Variants in FAM117A observed in about 807,000 individuals in gnomAD.
The protein encoded by FAM117A is family with sequence similarity 117 member A, also known as protein FAM117A.
FAM117A carries 21 observed loss-of-function variants against 44.1 expected under a neutral mutation model. That is an observed-to-expected ratio of 0.48 (90% CI 0.34 to 0.69). The LOEUF (loss-of-function observed/expected upper bound fraction) is 0.69. Ranked by LOEUF, FAM117A falls within the 30% of genes least tolerant of loss-of-function variation. The probability of loss-of-function intolerance (pLI) is 0.01; values close to 1 mark genes in which losing one functional copy is unlikely to be tolerated. For missense variants in FAM117A, 498 were observed against 589.9 expected, an observed-to-expected ratio of 0.84 and a Z score of 1.61; for synonymous variants, 220 against 238.3, an observed-to-expected ratio of 0.92 and a Z score of 0.71.
intron 1 of FAM117A, among the ~76,000 whole-genome samples, chr17:49,738,813 A>G (rs1468793253): frequency 6.6e-6 from 1 of 152,188 alleles, no homozygotes; most frequent in African/African-American, 2.4e-5. Flanking sequence ...TTTTTTAAAA[A>G]TTAGATTTTA....
At chr17:49,764,894 A>C (rs1307157718), upstream of FAM117A, among the ~76,000 whole-genome samples, 3 of 152,234 alleles carry the variant, frequency 2.0e-5, no homozygotes, top group Non-Finnish European at 4.4e-5. Flanking sequence ...CTCTGAAAAG[A>C]AGCAGGGAAT....
chr17:49,746,840 A>G (rs1269054234), intron 1 of FAM117A, among the ~76,000 whole-genome samples: 2 of 152,224 alleles, frequency 1.3e-5, no homozygotes, highest in Admixed American at 6.5e-5. Context: ...TGCAGGTGCA[A>G]ACATGAAGGA....
chr17:49,773,933 T>A (rs903594369), intron 1 of FAM117A, among the ~76,000 whole-genome samples: 1 of 152,130 alleles, frequency 6.6e-6, no homozygotes, highest in Non-Finnish European at 1.5e-5. Context: ...TTTGTATTTT[T>A]AGTAGAGATG....
chr17:49,789,009 G>T, upstream of FAM117A: 1 of 579,832 alleles, frequency 1.7e-6, no homozygotes, highest in Non-Finnish European at 2.8e-6. Flanking sequence ...AGAAAAATGT[G>T]GGCCCGACCC....
At chr17:49,736,931 T>C (rs932326865) in intron 1 of FAM117A, among the ~76,000 whole-genome samples, 1 of 152,174 alleles carries the variant, frequency 6.6e-6, no homozygotes, top group African/African-American at 2.4e-5. Flanking sequence ...GCTCTGTGTA[T>C]CCCCCACAAT....
intron 1 of FAM117A, among the ~76,000 whole-genome samples, chr17:49,760,803 C>A (rs1458368703): frequency 6.6e-6 from 1 of 152,188 alleles, no homozygotes; most frequent in Non-Finnish European, 1.5e-5. Flanking sequence ...AAGTCAGCGG[C>A]CTCTAACTGA....
intron 3 of FAM117A, 150 bp from the exon 4 acceptor site, chr17:49,720,586 G>A (rs2073529439): frequency 1.6e-6 from 1 of 637,474 alleles, no homozygotes; most frequent in South Asian, 1.9e-5. Context: ...ATAGCTCAAT[G>A]GTGTTAAAAC....
intron 5 of FAM117A, 38 bp downstream of exon 5, chr17:49,719,722 C>G: frequency 4.0e-6 from 6 of 1,513,382 alleles, no homozygotes; most frequent in Non-Finnish European, 5.3e-6. Context: ...AAGTGAGGCA[C>G]GGACTGTGGG....
intron 1 of FAM117A, among the ~76,000 whole-genome samples, chr17:49,774,889 G>T (rs1215039777): frequency 6.6e-6 from 1 of 152,140 alleles, no homozygotes; most frequent in Non-Finnish European, 1.5e-5. Context: ...TTAAGTAAAA[G>T]AGTTTAAAAA....
At chr17:49,712,580 G>A (rs1182099074) in intron 7 of FAM117A, among the ~76,000 whole-genome samples, 1 of 152,052 alleles carries the variant, frequency 6.6e-6, no homozygotes, top group Non-Finnish European at 1.5e-5. Flanking sequence ...GCAGGATCAT[G>A]GCTTACTGCA....
chr17:49,766,671 G>A (rs1040666768), upstream of FAM117A, among the ~76,000 whole-genome samples: 54 of 152,260 alleles, frequency 3.5e-4, no homozygotes, highest in African/African-American at 1.2e-3. Context: ...CTTAGGAGAT[G>A]ATGAGTGGTT....
rs1049556563 is a variant in FAM117A, at chr17:49,784,521, C to T, written c.-621+3976G>A. On this transcript the variant is annotated intron_variant, in intron 1 of 7. Coordinates refer to the FAM117A transcript ENST00000513602. ...ACTCTGCATGAACTGGTTCCCAAAA[C>T]CATGCCTCTTATGTACCCTCCCCGG... 1.3e-5 allele frequency among the ~76,000 whole-genome samples: 2 copies of T among 152,334 alleles called. 1 individual carries two copies. The highest frequency in any genetic ancestry group is 6.8e-3 in the Middle Eastern group (2 of 294).
chr17:49,724,915 C>G (rs2073553166), intron 2 of FAM117A, among the ~76,000 whole-genome samples: 1 of 152,000 alleles, frequency 6.6e-6, no homozygotes, highest in South Asian at 2.1e-4. Flanking sequence ...GTCATCTCCT[C>G]TCTCAATCCA....
intron 7 of FAM117A, among the ~76,000 whole-genome samples, chr17:49,713,410 A>C (rs1287529034): frequency 6.6e-6 from 1 of 152,182 alleles, no homozygotes; most frequent in Non-Finnish European, 1.5e-5. Context: ...TCTGCCACCA[A>C]TGGTTCTCAC....
At chr17:49,737,181 T>C (rs1031649403) in intron 1 of FAM117A, among the ~76,000 whole-genome samples, 6 of 152,220 alleles carry the variant, frequency 3.9e-5, no homozygotes, top group African/African-American at 1.4e-4. Context: ...AGTAAGTTGG[T>C]GACAGGCACA....
chr17:49,749,202 T>C (rs534603872), intron 1 of FAM117A, among the ~76,000 whole-genome samples: 2 of 152,242 alleles, frequency 1.3e-5, no homozygotes, highest in South Asian at 4.1e-4. Context: ...CACTCCTTTT[T>C]CCCTCAGATC....
At chr17:49,766,589 T>A (rs988979878), upstream of FAM117A, among the ~76,000 whole-genome samples, 36 of 152,358 alleles carry the variant, frequency 2.4e-4, no homozygotes, top group African/African-American at 7.9e-4. Context: ...GTAGACTAGT[T>A]GGTCTTTTGA....
chr17:49,761,668 C>G (rs2073722907), intron 1 of FAM117A, among the ~76,000 whole-genome samples: 1 of 152,164 alleles, frequency 6.6e-6, no homozygotes. Context: ...TCCTTTTATC[C>G]CATATACTCT....
chr17:49,727,002 A>G (rs963597062), intron 2 of FAM117A, among the ~76,000 whole-genome samples: 2 of 151,812 alleles, frequency 1.3e-5, no homozygotes, highest in African/African-American at 2.4e-5. Context: ...AAAAAGAAAA[A>G]GAAAAAACTA....
Sources: gnomAD v4.1 joint callset for allele counts (sites outside exome capture counted in the v4.1 genomes callset) on GRCh38, gnomAD v4.1.1 for gene constraint, MANE v1.5 for transcripts, NCBI Gene and HGNC (gene_info 2026-07-23, HGNC 2026-07-21) for gene names.